CAMKMT: variants seen among roughly 807,000 people sequenced by gnomAD.
CAMKMT encodes the protein calmodulin-lysine N-methyltransferase, also known as CaM KMT.
A neutral mutation model predicts 48.0 loss-of-function variants in CAMKMT; 53 were observed. The ratio of observed to expected loss-of-function variants is 1.10; its 90% CI spans 0.89 to 1.39. The LOEUF (loss-of-function observed/expected upper bound fraction) is 1.39. Among genes scored for constraint, CAMKMT ranks in the 40% most tolerant of loss-of-function variants. CAMKMT has a pLI of 0.00. For synonymous variants in CAMKMT, 165 were observed against 152.3 expected (o/e 1.08, Z -0.61); for missense variants, 428 against 402.7 (o/e 1.06, Z -0.54).
intron 3 of CAMKMT, among the ~76,000 whole-genome samples, chr2:44,579,251 T>A (rs1669408327): frequency 6.6e-6 from 1 of 152,086 alleles, no homozygotes; most frequent in African/African-American, 2.4e-5. Flanking sequence ...TGGAACAAAT[T>A]TGTTACATGA....
chr2:44,477,457 G>A (rs1668746702), intron 3 of CAMKMT, among the ~76,000 whole-genome samples: 1 of 152,116 alleles, frequency 6.6e-6, no homozygotes, highest in Non-Finnish European at 1.5e-5. Context: ...CCCTGGTTTG[G>A]AAATTGATAA....
At chr2:44,644,939 G>T (rs1316475295) in intron 3 of CAMKMT, among the ~76,000 whole-genome samples, 1 of 152,134 alleles carries the variant, frequency 6.6e-6, no homozygotes, top group East Asian at 1.9e-4. Context: ...GGAGAAGCAA[G>T]AGTTCTGTCG....
intron 3 of CAMKMT, among the ~76,000 whole-genome samples, chr2:44,588,673 A>G (rs1670064397): frequency 2.5e-5 from 1 of 39,588 alleles, no homozygotes; most frequent in East Asian, 5.0e-4. Flanking sequence ...CCGCCCGGCC[A>G]GCCGCCCAGT....
At chr2:44,715,876 A>C (rs971419936) in intron 7 of CAMKMT, among the ~76,000 whole-genome samples, 4 of 152,206 alleles carry the variant, frequency 2.6e-5, no homozygotes, top group African/African-American at 9.6e-5. Flanking sequence ...CCAGAATGTC[A>C]ATAGTGCCAA....
intron 7 of CAMKMT, among the ~76,000 whole-genome samples, chr2:44,734,857 TAAGTC>T (rs1196276270): frequency 1.3e-5 from 2 of 152,254 alleles, no homozygotes; most frequent in South Asian, 2.1e-4. Flanking sequence ...AAATATCAAT[TAAGTC>T]AAGTTATTGA....
chr2:44,756,301 G>A (rs1680376588), intron 9 of CAMKMT, among the ~76,000 whole-genome samples: 1 of 152,168 alleles, frequency 6.6e-6, no homozygotes, highest in South Asian at 2.1e-4. Flanking sequence ...GGCTTCTGGA[G>A]GACCTCCCCC....
At chr2:44,488,964 C>T (rs1378584327) in intron 3 of CAMKMT, among the ~76,000 whole-genome samples, 2 of 151,744 alleles carry the variant, frequency 1.3e-5, no homozygotes, top group South Asian at 2.1e-4. Flanking sequence ...CTCGTGGGCT[C>T]AAGGGATCCT....
chr2:44,483,637 C>G (rs979679660), intron 3 of CAMKMT, among the ~76,000 whole-genome samples: 3 of 152,110 alleles, frequency 2.0e-5, no homozygotes, highest in Non-Finnish European at 2.9e-5. Flanking sequence ...TGAAGGCCAT[C>G]ATGTAGCTCA....
At chr2:44,751,855 C>A (rs578006146) in intron 8 of CAMKMT, among the ~76,000 whole-genome samples, 3 of 152,228 alleles carry the variant, frequency 2.0e-5, no homozygotes, top group Admixed American at 6.5e-5. Context: ...CAGGAAGTTG[C>A]CTTATGGCAG....
intron 3 of CAMKMT, among the ~76,000 whole-genome samples, chr2:44,665,694 A>T (rs1054446066): frequency 2.6e-5 from 4 of 152,114 alleles, no homozygotes; most frequent in African/African-American, 9.7e-5. Flanking sequence ...AGGGGGTTGT[A>T]CTCATCTTTC....
chr2:44,523,544 C>T (rs930640428), intron 3 of CAMKMT, among the ~76,000 whole-genome samples: 2 of 151,508 alleles, frequency 1.3e-5, no homozygotes, highest in African/African-American at 4.9e-5. Context: ...ATCCACCCAC[C>T]TCGGCCTCCC....
chr2:44,419,363 G>A (rs1054444539), intron 3 of CAMKMT, among the ~76,000 whole-genome samples: 1 of 152,158 alleles, frequency 6.6e-6, no homozygotes, highest in Non-Finnish European at 1.5e-5. Flanking sequence ...GGGTGAAAGT[G>A]GAAGGTACGA....
chr2:44,612,192 A>AT (rs5830797), intron 3 of CAMKMT, among the ~76,000 whole-genome samples: 89,286 of 152,030 alleles, frequency 0.59, 27,192 homozygotes, highest in Admixed American at 0.68. Flanking sequence ...CATTAGAATG[A>AT]TCAAAACCTG....
chr2:44,430,041 G>C (rs1030424654), intron 3 of CAMKMT, among the ~76,000 whole-genome samples: 3 of 151,866 alleles, frequency 2.0e-5, no homozygotes, highest in African/African-American at 7.3e-5. Context: ...ATTTTGGGGG[G>C]AAATTATGAC....
intron 3 of CAMKMT, among the ~76,000 whole-genome samples, chr2:44,479,413 T>C (rs1369504149): frequency 6.6e-6 from 1 of 152,226 alleles, no homozygotes; most frequent in Non-Finnish European, 1.5e-5. Context: ...GTTTTTTTCC[T>C]ATCTCAGATC....
chr2:44,744,439 A>T (rs1679838550), intron 8 of CAMKMT, among the ~76,000 whole-genome samples: 1 of 152,144 alleles, frequency 6.6e-6, no homozygotes, highest in Non-Finnish European at 1.5e-5. Flanking sequence ...AATTATTTCA[A>T]CTAATCTTAT....
intron 2 of CAMKMT, among the ~76,000 whole-genome samples, chr2:44,380,533 G>A (rs188553670): frequency 1.3e-5 from 2 of 151,886 alleles, no homozygotes; most frequent in Admixed American, 6.6e-5. Context: ...TAGACTTGAC[G>A]CTTGAATAAA....
intron 3 of CAMKMT, among the ~76,000 whole-genome samples, chr2:44,396,342 A>G (rs1015682324): frequency 6.6e-6 from 1 of 152,170 alleles, no homozygotes; most frequent in Non-Finnish European, 1.5e-5. Flanking sequence ...ATTATTATTT[A>G]TGACATATAT....
At chr2:44,564,566 C>T (rs1452717504) in intron 3 of CAMKMT, among the ~76,000 whole-genome samples, 2 of 151,588 alleles carry the variant, frequency 1.3e-5, no homozygotes, top group African/African-American at 4.8e-5. Context: ...TGTTTTTAGG[C>T]AGAGTTTTGC....
Sources: allele counts gnomAD v4.1 joint callset (sites outside exome capture counted in the v4.1 genomes callset), GRCh38; gene constraint gnomAD v4.1.1; transcripts MANE v1.5; gene names NCBI Gene and HGNC (gene_info 2026-07-23, HGNC 2026-07-21).